Variants in MCM10 observed in about 807,000 individuals in gnomAD.
MCM10 encodes the protein protein MCM10 homolog.
A neutral mutation model predicts 109.9 loss-of-function variants in MCM10; 91 were observed. The observed-to-expected ratio is 0.83, with a 90% CI of 0.70 to 0.99. MCM10 has a LOEUF of 0.99. MCM10 is among the 50% of genes least tolerant of loss of function. The pLI, the probability that MCM10 is intolerant of heterozygous loss-of-function variation, is 0.00. For missense variants in MCM10, 1,077 were observed against 1,061.2 expected, an observed-to-expected ratio of 1.01 and a Z score of -0.21; for synonymous variants, 380 against 387.2, an observed-to-expected ratio of 0.98 and a Z score of 0.22.
chr10:13,167,628 C>G (rs1188579460), intron 2 of MCM10, among the ~76,000 whole-genome samples: 4 of 152,014 alleles, frequency 2.6e-5, no homozygotes, highest in African/African-American at 9.7e-5. Context: ...CAGCACATGA[C>G]AGTGCCATGA....
In MCM10 at chr10:13,182,940, C is replaced by T. The variant is rs1031893245; in HGVS notation, c.938C>T (p.Thr313Ile). Reference sequence around the variant, plus strand: ...AATAACTATTTGTTCCAGGGAAAAACCTTCAGCATATGGAAACTGAATGAT... The same window carrying T: ...AATAACTATTTGTTCCAGGGAAAAATCTTCAGCATATGGAAACTGAATGAT... Reference protein sequence around the residue: ...VTPQSVNSGKTFSIWKLNDLR... With the variant: ...VTPQSVNSGKIFSIWKLNDLR... The change falls in exon 8 of 20, where the codon ACC becomes ATC. Residue 313 changes from threonine (T) to isoleucine (I), a missense_variant. By Grantham distance (89) the Thr-to-Ile change is moderately conservative. Coordinates refer to ENST00000378714, the MANE Select transcript of MCM10 (RefSeq NM_018518.5). The surrounding 1 kb of genome is among the most constrained non-coding windows in gnomAD (Gnocchi z 4.2). The T allele has an allele frequency of 6.2e-7, 1 of 1,611,780 alleles. No individual in the cohort carries two copies.
In MCM10 at chr10:13,172,884, G is replaced by GAAAT; in HGVS notation, c.592+122_592+123insTAAA. 1.1e-6 allele frequency: 1 copy of GAAAT among 936,940 alleles called. No homozygotes were observed. Among genetic ancestry groups the GAAAT allele is most frequent in the Non-Finnish European group, 1.6e-6 (1 of 638,988 alleles). The allele number at this position is 936,940 out of a possible 1,614,324, so 58.0% of individuals were successfully genotyped here. On this transcript the variant is annotated intron_variant, in intron 5 of 19. Coordinates refer to ENST00000378714, the MANE Select transcript of MCM10 (RefSeq NM_018518.5). The surrounding 1 kb of genome is among the most constrained non-coding windows in gnomAD (Gnocchi z 5.2). Reference sequence around the variant, plus strand: ...TCTGTCTTATGTCCCCATTGAGAAAGAAAGTTTCTTGGGAATGGAAGCCAC... The same window carrying GAAAT: ...TCTGTCTTATGTCCCCATTGAGAAAGAAATAAAGTTTCTTGGGAATGGAAGCCAC...
chr10:13,198,619 A>G (rs1409129007), intron 15 of MCM10, 70 bp from the exon 16 acceptor site: 1 of 944,962 alleles, frequency 1.1e-6, no homozygotes, highest in Non-Finnish European at 1.7e-6. Context: ...GGGAGGGAGT[A>G]GAGTTGATGA....
intron 6 of MCM10, among the ~76,000 whole-genome samples, chr10:13,177,849 C>A (rs1477899979): frequency 9.7e-5 from 14 of 144,500 alleles, no homozygotes; most frequent in South Asian, 2.2e-4. Context: ...GACCCTATCT[C>A]AAAAAAAAAA....
At chr10:13,164,992 A>G (rs895309554) in intron 2 of MCM10, among the ~76,000 whole-genome samples, 2 of 152,180 alleles carry the variant, frequency 1.3e-5, no homozygotes, top group Non-Finnish European at 2.9e-5. Context: ...AAATTCAAAC[A>G]TATTACACTT....
At chr10:13,163,006 G>A (rs58930733) in intron 1 of MCM10, among the ~76,000 whole-genome samples, 2,022 of 152,016 alleles carry the variant, frequency 0.013, 37 homozygotes, top group South Asian at 0.055. Context: ...GTGAACCCGG[G>A]AGGCGGAGCT....
Position 13,172,852 on chromosome 10 carries a change from C to A in MCM10, c.592+87C>A. 1 of 1,342,436 alleles carries A rather than the reference C, an allele frequency of 7.4e-7. No individual in the cohort carries two copies. The highest frequency in any genetic ancestry group is 1.0e-6 in the Non-Finnish European group (1 of 964,874). 83.2% of individuals were successfully genotyped at this position (1,342,436 alleles called of 1,614,324 possible). A position where few individuals can be genotyped will look rare whatever the true frequency, so the allele number is the denominator to read the frequency against. ...TTCATGTGTGTGTGGGTGTCTGTGT[C>A]TTTTGGTCTGTCTTATGTCCCCATT... On this transcript the variant is annotated intron_variant, in intron 5 of 19. Coordinates refer to ENST00000378714, the MANE Select transcript of MCM10 (RefSeq NM_018518.5). This position sits in a 1 kb window ranked among gnomAD's most constrained non-coding sequence, Gnocchi z 5.2.
chr10:13,205,042 ATATATATATATT>A (rs1834558605), intron 18 of MCM10, among the ~76,000 whole-genome samples: 2 of 90,636 alleles, frequency 2.2e-5, no homozygotes, highest in African/African-American at 7.9e-5. Flanking sequence ...ATATATATAT[ATATATATATATT>A]AATTTGTATA....
At chr10:13,188,813 T>C (rs967685869) in intron 9 of MCM10, 68 bp from the exon 10 acceptor site, 87 of 1,343,798 alleles carry the variant, frequency 6.5e-5, no homozygotes, top group Middle Eastern at 1.9e-4. Context: ...GAGAAGGAAC[T>C]GTGTCTGCTC....
chr10:13,193,304 A>T lies in MCM10; in HGVS notation c.1745+736A>T, dbSNP rs558164671. ...TGTTACTTGGCTTCAGCCAATAATT[A>T]AAAAAAAAAAAAATCAAGTGGAAAT... On this transcript the variant is annotated intron_variant, in intron 13 of 19. Coordinates refer to ENST00000378714, the MANE Select transcript of MCM10 (RefSeq NM_018518.5). 1.3e-3 allele frequency among the ~76,000 whole-genome samples: 115 copies of T among 89,280 alleles called. 1 individual carries two copies. The highest frequency in any genetic ancestry group is 4.9e-3 in the African/African-American group (84 of 17,124). 58.6% of individuals were successfully genotyped at this position (89,280 alleles called of 152,430 possible).
At chr10:13,196,204 C>A (rs186442998) in intron 14 of MCM10, among the ~76,000 whole-genome samples, 4 of 152,138 alleles carry the variant, frequency 2.6e-5, no homozygotes, top group Non-Finnish European at 5.9e-5. Flanking sequence ...CTGTGCCTAA[C>A]CAAGAATCCT....
intron 1 of MCM10, among the ~76,000 whole-genome samples, chr10:13,163,181 A>C (rs1461417787): frequency 4.6e-5 from 7 of 151,614 alleles, no homozygotes; most frequent in Non-Finnish European, 1.0e-4. Flanking sequence ...TCTACAAAAA[A>C]CACAAAAATT....
At chr10:13,199,937 C>T (rs1834474628) in intron 16 of MCM10, among the ~76,000 whole-genome samples, 1 of 152,162 alleles carries the variant, frequency 6.6e-6, no homozygotes, top group Non-Finnish European at 1.5e-5. Flanking sequence ...TCTCATACCT[C>T]AGCCTCCTGA....
In MCM10 at chr10:13,201,417, C is replaced by G. The variant is rs1383664840; in HGVS notation, c.2239-4C>G. 3.1e-6 allele frequency: 5 copies of G among 1,603,768 alleles called. No individual in the cohort carries two copies. The African/African-American group carries it at 5.4e-5, about 17-fold the overall frequency. ...AGGTCTTTCATTATGCCCTGTCATT[C>G]CAGGCCGAGGCTGAGATGCAGGAGC... On this transcript the variant is annotated splice_polypyrimidine_tract_variant and splice_region_variant and intron_variant, in intron 16 of 19. Coordinates refer to ENST00000378714, the MANE Select transcript of MCM10 (RefSeq NM_018518.5).
Position 13,210,639 on chromosome 10 carries a change from C to G in MCM10, c.*1329C>G, listed in dbSNP as rs1382935768. 1 of 152,142 alleles carries G rather than the reference C, an allele frequency of 6.6e-6. No homozygotes were observed. Among genetic ancestry groups the G allele is most frequent in the Non-Finnish European group, 1.5e-5 (1 of 68,032 alleles). The allele number at this position is 152,142 out of a possible 1,614,324, so 9.4% of individuals were successfully genotyped here. On this transcript the variant is annotated 3_prime_UTR_variant, in exon 20 of 20. Transcript: ENST00000378714. The stretch of plus-strand genomic sequence containing the variant: ...GCCTTAGATTTCATAAAATTCTGCT[C>G]TAATTGGGTGGAAGGTGCTGTATCT...
rs1483877567 is a variant in MCM10, at chr10:13,197,682, C to T, written c.2034C>T (p.Asn678=). ...AGGTTCTTACAAAAACAAACCCAAA[C>T]AGCATTAAGAAGAAACAAAAGGACC... is the stretch of plus-strand genomic sequence containing the variant. The part of the protein sequence containing the change: ...KGQVLTKTNP[N]SIKKKQKDPQ... Residue 678 remains asparagine (N), a synonymous_variant, in exon 15 of 20, where the codon AAC becomes AAT. Coordinates refer to ENST00000378714, the MANE Select transcript of MCM10 (RefSeq NM_018518.5). The T allele has an allele frequency of 3.1e-6, 5 of 1,613,958 alleles. No homozygotes were observed. Among genetic ancestry groups the T allele is most frequent in the Non-Finnish European group, 4.2e-6 (5 of 1,179,972 alleles).
chr10:13,174,691 G>A (rs1834117604), intron 5 of MCM10, among the ~76,000 whole-genome samples: 1 of 152,176 alleles, frequency 6.6e-6, no homozygotes, highest in Non-Finnish European at 1.5e-5. Flanking sequence ...ACATGTGTCT[G>A]GTAGCTAGCA....
At chr10:13,190,855 G>A (rs1336604339) in intron 10 of MCM10, among the ~76,000 whole-genome samples, 1 of 152,002 alleles carries the variant, frequency 6.6e-6, no homozygotes, top group South Asian at 2.1e-4. Context: ...TGTATTTTCA[G>A]TGGCTACATA....
chr10:13,186,080 C>T (rs1244058976), intron 8 of MCM10, 84 bp from the exon 9 acceptor site: 1 of 776,246 alleles, frequency 1.3e-6, no homozygotes, highest in Non-Finnish European at 2.2e-6. Context: ...CTTAAATCAG[C>T]ACCAACCATT....
Sources: gnomAD v4.1 joint callset for allele counts (sites outside exome capture counted in the v4.1 genomes callset) on GRCh38, gnomAD v4.1.1 for gene constraint, Gnocchi (gnomAD v3.1) non-coding constraint, MANE v1.5 for transcripts, NCBI Gene and HGNC (gene_info 2026-07-23, HGNC 2026-07-21) for gene names.